PDLIM5: variants seen among roughly 807,000 people sequenced by gnomAD.
PDLIM5 encodes the protein PDZ and LIM domain protein 5.
In PDLIM5, 34 loss-of-function variants were observed where a neutral mutation model predicts 64.2. The observed-to-expected ratio is 0.53, with a 90% CI of 0.40 to 0.71. The LOEUF is 0.71. PDLIM5 is among the 30% of genes least tolerant of loss of function. The probability of loss-of-function intolerance (pLI) is 0.00; values close to 1 mark genes in which losing one functional copy is unlikely to be tolerated. For missense variants in PDLIM5, 683 were observed against 733.6 expected (o/e 0.93, Z 0.80); for synonymous variants, 253 against 269.1 (o/e 0.94, Z 0.59).
intron 3 of PDLIM5, among the ~76,000 whole-genome samples, chr4:94,531,057 A>C (rs1730829609): frequency 6.6e-6 from 1 of 151,202 alleles, no homozygotes; most frequent in Non-Finnish European, 1.5e-5. Context: ...ATATTTAGTT[A>C]GATTTTTTTT....
At chr4:94,513,771 G>A (rs1729104858) in intron 2 of PDLIM5, among the ~76,000 whole-genome samples, 1 of 152,158 alleles carries the variant, frequency 6.6e-6, no homozygotes, top group African/African-American at 2.4e-5. Context: ...TTGAGTAAGA[G>A]TGATGAAAAT....
At chr4:94,515,591 G>T (rs370714316) in intron 2 of PDLIM5, among the ~76,000 whole-genome samples, 6 of 152,084 alleles carry the variant, frequency 3.9e-5, no homozygotes, top group Non-Finnish European at 8.8e-5. Flanking sequence ...TCATTAAATC[G>T]TAAGTTCCTA....
intron 3 of PDLIM5, among the ~76,000 whole-genome samples, chr4:94,524,599 CT>C (rs1257591484): frequency 3.3e-5 from 5 of 150,444 alleles, no homozygotes; most frequent in Admixed American, 3.3e-4. Context: ...GAAGGCTGGA[CT>C]TTTTGAACTT....
At chr4:94,455,436 TC>T in intron 2 of PDLIM5, 52 bp downstream of exon 2, 2 of 1,115,660 alleles carry the variant, frequency 1.8e-6, no homozygotes, top group South Asian at 2.6e-5. Context: ...TGCTTAGTCC[TC>T]GGGCTGAGTT....
chr4:94,564,663 T>C (rs1734144054), intron 3 of PDLIM5, among the ~76,000 whole-genome samples: 1 of 141,508 alleles, frequency 7.1e-6, no homozygotes, highest in Non-Finnish European at 1.5e-5. Context: ...TCTCTTTTTT[T>C]TTTTTTTTTT....
intron 7 of PDLIM5, among the ~76,000 whole-genome samples, chr4:94,589,855 A>G (rs1578431325): frequency 6.6e-6 from 1 of 151,250 alleles, no homozygotes; most frequent in Non-Finnish European, 1.5e-5. Flanking sequence ...GCTTACTGCA[A>G]CCTCCACCTC....
At chr4:94,656,958 T>C (rs566683522) in intron 10 of PDLIM5, 4 of 152,300 alleles carry the variant, frequency 2.6e-5, no homozygotes, top group African/African-American at 9.6e-5. Context: ...TATTAAATTA[T>C]ATATATTATA....
chr4:94,663,902 C>G, intron 12 of PDLIM5, 76 bp from the exon 13 acceptor site: 1 of 1,467,968 alleles, frequency 6.8e-7, no homozygotes, highest in East Asian at 2.4e-5. Context: ...ATCACTCTCT[C>G]CTTCTCCAGC....
intron 9 of PDLIM5, among the ~76,000 whole-genome samples, chr4:94,647,527 T>C (rs1424803110): frequency 6.6e-6 from 1 of 152,116 alleles, no homozygotes; most frequent in Non-Finnish European, 1.5e-5. Flanking sequence ...GGGAGTAATA[T>C]ATACAATTCA....
At chr4:94,640,535 A>G (rs1740924534) in intron 9 of PDLIM5, 85 bp downstream of exon 9, 1 of 782,414 alleles carries the variant, frequency 1.3e-6, no homozygotes, top group South Asian at 1.8e-5. Context: ...AAGTATGTGT[A>G]ATGTAATTAG....
intron 8 of PDLIM5, among the ~76,000 whole-genome samples, chr4:94,619,173 T>C (rs1268821077): frequency 6.6e-6 from 1 of 152,164 alleles, no homozygotes; most frequent in African/African-American, 2.4e-5. Flanking sequence ...TCACAGTAAC[T>C]AACATCTAAT....
intron 7 of PDLIM5, chr4:94,588,158 A>G (rs1262927084): frequency 6.3e-6 from 6 of 959,874 alleles, no homozygotes; most frequent in Non-Finnish European, 7.4e-6. Flanking sequence ...CCTTGAGGCT[A>G]GACACAGTGC....
intron 2 of PDLIM5, chr4:94,455,641 C>A: frequency 2.8e-6 from 2 of 710,470 alleles, no homozygotes; most frequent in Non-Finnish European, 4.6e-6. Context: ...TAGGAACAGA[C>A]TGTACATTTT....
At chr4:94,610,225 T>A in intron 7 of PDLIM5, 1 of 1,519,280 alleles carries the variant, frequency 6.6e-7, no homozygotes, top group Non-Finnish European at 8.8e-7. Flanking sequence ...TTCTACCTTC[T>A]CTTCTCCTGC....
intron 2 of PDLIM5, among the ~76,000 whole-genome samples, chr4:94,485,556 TG>T (rs1295343991): frequency 3.3e-5 from 5 of 152,052 alleles, no homozygotes; most frequent in Admixed American, 2.6e-4. Flanking sequence ...TATTATTGGC[TG>T]GGTGCGGTGG....
chr4:94,604,549 G>T (rs1057087093), intron 7 of PDLIM5, among the ~76,000 whole-genome samples: 1 of 152,126 alleles, frequency 6.6e-6, no homozygotes. Flanking sequence ...CAGGAGAATC[G>T]TTTGAACCAG....
intron 2 of PDLIM5, among the ~76,000 whole-genome samples, chr4:94,504,122 A>ATTAAG (rs1728173741): frequency 6.6e-6 from 1 of 152,138 alleles, no homozygotes; most frequent in African/African-American, 2.4e-5. Context: ...TTCTTTTGAA[A>ATTAAG]TTAAGTTTAT....
intron 3 of PDLIM5, among the ~76,000 whole-genome samples, chr4:94,524,356 G>A (rs1730136357): frequency 1.7e-5 from 2 of 118,558 alleles, no homozygotes; most frequent in Admixed American, 1.1e-4. Context: ...GTGACAGAAC[G>A]AGACCCTGTC....
intron 11 of PDLIM5, among the ~76,000 whole-genome samples, chr4:94,660,916 TA>T (rs1219754482): frequency 1.5e-5 from 1 of 65,104 alleles, no homozygotes; most frequent in Non-Finnish European, 3.7e-5. Flanking sequence ...TTACTAAAAA[TA>T]AAAAAAAATA....
Sources: gnomAD v4.1 joint callset for allele counts (sites outside exome capture counted in the v4.1 genomes callset) on GRCh38, gnomAD v4.1.1 for gene constraint, MANE v1.5 for transcripts, NCBI Gene and HGNC (gene_info 2026-07-23, HGNC 2026-07-21) for gene names.